CDH4: variants seen among roughly 807,000 people sequenced by gnomAD.
CDH4 encodes the protein cadherin-4.
CDH4 carries 33 observed loss-of-function variants against 86.0 expected under a neutral mutation model. That is an observed-to-expected ratio of 0.38 (90% confidence interval 0.29 to 0.51). CDH4 has a LOEUF of 0.51. CDH4 is among the 20% of genes least tolerant of loss of function. The probability of loss-of-function intolerance (pLI) is 0.86; values close to 1 mark genes in which losing one functional copy is unlikely to be tolerated. For missense variants in CDH4, 1,114 were observed against 1,307.4 expected (o/e 0.85, Z 2.28); for synonymous variants, 555 against 549.4 (o/e 1.01, Z -0.14).
chr20:61,789,757 T>C (rs1439793893), intron 4 of CDH4, among the ~76,000 whole-genome samples: 15 of 152,198 alleles, frequency 9.9e-5, no homozygotes, highest in African/African-American at 2.2e-4. Flanking sequence ...CCACTCACCA[T>C]TGCCCCTGGG....
At chr20:61,256,981 C>G (rs1023474609) in intron 2 of CDH4, among the ~76,000 whole-genome samples, 1 of 152,240 alleles carries the variant, frequency 6.6e-6, no homozygotes, top group African/African-American at 2.4e-5. Flanking sequence ...AGTGACATTT[C>G]TCTCTGTACG....
chr20:61,727,340 C>T (rs900305330), intron 2 of CDH4, among the ~76,000 whole-genome samples: 1 of 151,790 alleles, frequency 6.6e-6, no homozygotes, highest in Admixed American at 6.6e-5. Flanking sequence ...ATCATCGGTG[C>T]CTTCATCACC....
chr20:61,409,155 C>T (rs902302309), intron 2 of CDH4, among the ~76,000 whole-genome samples: 3 of 152,218 alleles, frequency 2.0e-5, no homozygotes. Context: ...GGGGACAGCT[C>T]TCACATGGCT....
intron 2 of CDH4, among the ~76,000 whole-genome samples, chr20:61,491,081 A>G (rs778946689): frequency 2.6e-5 from 4 of 152,212 alleles, no homozygotes; most frequent in African/African-American, 4.8e-5. Flanking sequence ...CATTGACTCC[A>G]TTGCAATACA....
intron 6 of CDH4, among the ~76,000 whole-genome samples, chr20:61,853,249 C>T (rs1568850336): frequency 6.6e-6 from 1 of 152,090 alleles, no homozygotes; most frequent in Non-Finnish European, 1.5e-5. Context: ...GGAGCAGCTC[C>T]CGGAGTGGGA....
intron 13 of CDH4, among the ~76,000 whole-genome samples, chr20:61,930,452 A>T (rs1046568070): frequency 1.1e-4 from 17 of 152,100 alleles, no homozygotes; most frequent in South Asian, 1.0e-3. Flanking sequence ...TCTTCCCATC[A>T]TCCCTCATGG....
chr20:61,858,185 C>T (rs13039464), intron 6 of CDH4, among the ~76,000 whole-genome samples: 1 of 122,370 alleles, frequency 8.2e-6, no homozygotes, highest in Non-Finnish European at 1.7e-5. Context: ...GTGTGTGTCT[C>T]TGTGTGTGTC....
At chr20:61,502,967 G>A (rs1190276112) in intron 2 of CDH4, among the ~76,000 whole-genome samples, 2 of 152,168 alleles carry the variant, frequency 1.3e-5, no homozygotes, top group Admixed American at 6.5e-5. Flanking sequence ...GAGCATTTCT[G>A]CACGCCAAAG....
At chr20:61,923,807 G>T in intron 10 of CDH4, 103 bp downstream of exon 10, 1 of 1,436,804 alleles carries the variant, frequency 7.0e-7, no homozygotes, top group Non-Finnish European at 9.4e-7. Context: ...AATTCCCCCA[G>T]ATGGGTGGTC....
rs1260785854 is a variant in CDH4, at chr20:61,582,130, T to G, written c.170-161433T>G. Among the ~76,000 whole-genome samples the G allele has an allele frequency of 6.6e-6, 1 of 152,236 alleles. No homozygotes were observed. Among genetic ancestry groups the G allele is most frequent in the East Asian group, 1.9e-4 (1 of 5,184 alleles). Reference sequence around the variant, plus strand: ...GCCATCATTACCATTGGCGGCATGCTGCCCATGCCTTGTGTGTGCACGGAG... The same window carrying G: ...GCCATCATTACCATTGGCGGCATGCGGCCCATGCCTTGTGTGTGCACGGAG... On this transcript the variant is annotated intron_variant, in intron 2 of 15. Transcript: ENST00000614565. The surrounding 1 kb of genome is among the most constrained non-coding windows in gnomAD (Gnocchi z 4.2).
intron 4 of CDH4, among the ~76,000 whole-genome samples, chr20:61,809,653 G>C (rs1303783185): frequency 6.6e-6 from 1 of 152,230 alleles, no homozygotes; most frequent in Non-Finnish European, 1.5e-5. Context: ...ACAATGGGCA[G>C]ATGAGGAGGC....
At chr20:61,869,719 G>A (rs1369485561) in intron 6 of CDH4, among the ~76,000 whole-genome samples, 1 of 152,214 alleles carries the variant, frequency 6.6e-6, no homozygotes, top group East Asian at 1.9e-4. Flanking sequence ...AGGGGGCTTA[G>A]TCCTCCTCCC....
intron 8 of CDH4, among the ~76,000 whole-genome samples, chr20:61,901,709 T>C (rs577832936): frequency 6.6e-6 from 1 of 152,202 alleles, no homozygotes; most frequent in Non-Finnish European, 1.5e-5. Flanking sequence ...AAGGCCTCAT[T>C]AGGACCAGCC....
intron 11 of CDH4, among the ~76,000 whole-genome samples, chr20:61,924,701 T>G (rs1012328431): frequency 2.0e-5 from 3 of 151,736 alleles, no homozygotes; most frequent in Non-Finnish European, 4.4e-5. Context: ...ATGTCAGTCA[T>G]TCATTCTGCC....
intron 2 of CDH4, among the ~76,000 whole-genome samples, chr20:61,420,413 C>T (rs2085171110): frequency 6.6e-6 from 1 of 152,224 alleles, no homozygotes. Context: ...CAGCCAGAGG[C>T]TTCCAAGTGC....
intron 4 of CDH4, among the ~76,000 whole-genome samples, chr20:61,816,855 C>A (rs1360192665): frequency 6.6e-6 from 1 of 152,162 alleles, no homozygotes; most frequent in African/African-American, 2.4e-5. Flanking sequence ...ATCCCCATCC[C>A]CCTGCCCGGT....
At chr20:61,678,159 TGATGGATGATG>T (rs950309369) in intron 2 of CDH4, among the ~76,000 whole-genome samples, 6 of 110,250 alleles carry the variant, frequency 5.4e-5, no homozygotes, top group East Asian at 2.0e-4. Flanking sequence ...GATAGATGGA[TGATGGATGATG>T]GATGGATGAT....
intron 2 of CDH4, among the ~76,000 whole-genome samples, chr20:61,479,338 C>T (rs1403401901): frequency 6.6e-6 from 1 of 152,066 alleles, no homozygotes; most frequent in Non-Finnish European, 1.5e-5. Flanking sequence ...TCTCCTAATG[C>T]TATCCCTCCC....
intron 8 of CDH4, among the ~76,000 whole-genome samples, chr20:61,906,750 C>T (rs2054793387): frequency 6.6e-6 from 1 of 151,756 alleles, no homozygotes; most frequent in Non-Finnish European, 1.5e-5. Context: ...TGCTGTGGGC[C>T]CTGGCAGGCT....
Sources: allele counts gnomAD v4.1 joint callset (sites outside exome capture counted in the v4.1 genomes callset), GRCh38; gene constraint gnomAD v4.1.1; non-coding constraint Gnocchi (gnomAD v3.1); transcripts MANE v1.5; gene names NCBI Gene and HGNC (gene_info 2026-07-23, HGNC 2026-07-21).